AFG3L2: variants seen among roughly 807,000 people sequenced by gnomAD.
AFG3L2 encodes AFG3 like matrix AAA peptidase subunit 2.
A neutral mutation model predicts 94.5 loss-of-function variants in AFG3L2; 54 were observed. That is an observed-to-expected ratio of 0.57 (90% CI 0.46 to 0.72). The LOEUF (loss-of-function observed/expected upper bound fraction) is 0.72. Among genes scored for constraint, AFG3L2 ranks in the 30% least tolerant of loss-of-function variants. The probability of loss-of-function intolerance (pLI) is 0.00; values close to 1 mark genes in which losing one functional copy is unlikely to be tolerated. For synonymous variants in AFG3L2, 377 were observed against 365.5 expected, an observed-to-expected ratio of 1.03 and a Z score of -0.36; for missense variants, 754 against 994.9, an observed-to-expected ratio of 0.76 and a Z score of 3.26.
In AFG3L2 at chr18:12,356,294, G is replaced by A. The variant is rs1379607051; in HGVS notation, c.1164+400C>T. Among the ~76,000 whole-genome samples the A allele has an allele frequency of 2.6e-5, 4 of 152,182 alleles. No homozygotes were observed. The East Asian group carries it at 7.7e-4, about 29-fold the overall frequency. Reference sequence around the variant, plus strand: ...AGCCTCCGAAATAGCTGGGATTATAGGCATGCGCGACCACGCCTGGCTAAT... The same window carrying A: ...AGCCTCCGAAATAGCTGGGATTATAAGCATGCGCGACCACGCCTGGCTAAT... On this transcript the variant is annotated intron_variant, in intron 9 of 16. Transcript: ENST00000269143.
intron 9 of AFG3L2, among the ~76,000 whole-genome samples, chr18:12,355,586 A>C (rs1908466610): frequency 6.6e-6 from 1 of 152,236 alleles, no homozygotes. Flanking sequence ...GGCATAAAAA[A>C]ACCACATATT....
At chr18:12,337,613 G>A (rs886093472) in intron 15 of AFG3L2, 78 bp from the exon 16 acceptor site, 84 of 1,408,090 alleles carry the variant, frequency 6.0e-5, no homozygotes, top group Middle Eastern at 3.5e-4. Flanking sequence ...GCCTGGAGCC[G>A]GCTAAAGTGC....
At chr18:12,346,993 C>T (rs937191817) in intron 13 of AFG3L2, among the ~76,000 whole-genome samples, 10 of 150,794 alleles carry the variant, frequency 6.6e-5, no homozygotes, top group Non-Finnish European at 1.5e-4. Flanking sequence ...AAAAATTAGC[C>T]GGGCATGGTG....
chr18:12,368,674 C>T (rs951063593), intron 3 of AFG3L2, among the ~76,000 whole-genome samples: 1 of 152,154 alleles, frequency 6.6e-6, no homozygotes, highest in African/African-American at 2.4e-5. Context: ...GATCTCAGCT[C>T]ACTGCAACCT....
At chr18:12,371,987 T>C (rs752819952) in intron 1 of AFG3L2, among the ~76,000 whole-genome samples, 3 of 152,252 alleles carry the variant, frequency 2.0e-5, no homozygotes, top group Admixed American at 2.0e-4. Flanking sequence ...ACTTTGATGA[T>C]GTTTGTTTAA....
At chr18:12,346,729 C>T (rs1908148391) in intron 13 of AFG3L2, among the ~76,000 whole-genome samples, 1 of 152,092 alleles carries the variant, frequency 6.6e-6, no homozygotes, top group African/African-American at 2.4e-5. Flanking sequence ...CATGGTGAAA[C>T]CCCATCTCTA....
At chr18:12,350,980 A>G in intron 12 of AFG3L2, 105 bp downstream of exon 12, 4 of 1,451,010 alleles carry the variant, frequency 2.8e-6, no homozygotes, top group Non-Finnish European at 3.8e-6. Flanking sequence ...AAACTTAGGA[A>G]GCCCACAGTA....
At chr18:12,334,938 G>A in intron 16 of AFG3L2, among the ~76,000 whole-genome samples, 1 of 152,100 alleles carries the variant, frequency 6.6e-6, no homozygotes, top group East Asian at 1.9e-4. Context: ...GGAGGGCCTG[G>A]GACTTATGAA....
intron 12 of AFG3L2, among the ~76,000 whole-genome samples, chr18:12,348,888 AG>A (rs939943167): frequency 1.3e-5 from 2 of 152,228 alleles, no homozygotes; most frequent in African/African-American, 4.8e-5. Flanking sequence ...CTAACTTTTC[AG>A]TTAAGTATAT....
intron 10 of AFG3L2, 121 bp downstream of exon 10, chr18:12,352,884 G>A: frequency 1.4e-6 from 2 of 1,386,218 alleles, no homozygotes; most frequent in South Asian, 2.4e-5. Context: ...GAACCCAGGG[G>A]TCAGAGGATG....
At chr18:12,358,586 TATA>T (rs1180384463) in intron 8 of AFG3L2, 81 bp downstream of exon 8, 1 of 1,489,874 alleles carries the variant, frequency 6.7e-7, no homozygotes, top group Non-Finnish European at 9.2e-7. Context: ...AACAGCTATC[TATA>T]ATAAGTAATC....
intron 9 of AFG3L2, among the ~76,000 whole-genome samples, chr18:12,353,514 C>CAAAAAAAAAAAAAAAAAAA (rs71172076): frequency 1.2e-5 from 1 of 81,062 alleles, no homozygotes; most frequent in Non-Finnish European, 2.4e-5. Flanking sequence ...AATTCTGTCT[C>CAAAAAAAAAAAAAAAAAAA]AAAAAAAAAA....
Position 12,367,066 on chromosome 18 carries a change from C to T in AFG3L2, c.451G>A (p.Ala151Thr), listed in dbSNP as rs377111283. Residue 151 changes from alanine to threonine, a missense_variant, in exon 5 of 17, where the codon GCT (alanine) becomes ACT (threonine). This residue lies in a region of AFG3L2 where 236 missense variants were observed against 214.0 expected (regional missense o/e 1.10). Coordinates refer to ENST00000269143, the MANE Select transcript of AFG3L2 (RefSeq NM_006796.3). The part of the protein sequence containing the change: ...KDFRMFFLWT[A>T]LFWGGVMFYL... Reference sequence around the variant, plus strand: ...AACATGACTCCACCCCAGAACAGAGCAGTCCAGAGGAAGAACATCCTGAAA... The same window carrying T: ...AACATGACTCCACCCCAGAACAGAGTAGTCCAGAGGAAGAACATCCTGAAA... The T allele has an allele frequency of 6.2e-7, 1 of 1,614,214 alleles. No homozygotes were observed. The highest frequency in any genetic ancestry group is 1.3e-5 in the African/African-American group (1 of 75,064).
intron 3 of AFG3L2, 130 bp from the exon 4 acceptor site, chr18:12,367,512 G>A (rs1598838056): frequency 2.4e-6 from 2 of 833,012 alleles, no homozygotes; most frequent in African/African-American, 1.7e-5. Context: ...GTTACTAAGT[G>A]AAGCACTATG....
chr18:12,367,184 A>AG, intron 4 of AFG3L2, 67 bp from the exon 5 acceptor site: 8 of 1,612,878 alleles, frequency 5.0e-6, no homozygotes, highest in Non-Finnish European at 6.8e-6. Context: ...GCTCTGTGAG[A>AG]CACAAATCCC....
chr18:12,332,341 T>G (rs1392732568), intron 16 of AFG3L2, among the ~76,000 whole-genome samples: 2 of 152,088 alleles, frequency 1.3e-5, no homozygotes, highest in Admixed American at 1.3e-4. Flanking sequence ...GCCAGGCTAG[T>G]CTCAAACTCA....
rs1234626438 is a variant in AFG3L2, at chr18:12,358,843, T to A, written c.853A>T (p.Met285Leu). The change falls in exon 8 of 17, where the codon ATG becomes TTG. Residue 285 changes from methionine to leucine, a missense_variant. Met to Leu is a conservative substitution (Grantham distance 15). Around this residue, in one of 4 missense-constraint regions of AFG3L2, gnomAD observed 130 missense variants for 175.1 expected, o/e 0.74. Coordinates refer to ENST00000269143, the MANE Select transcript of AFG3L2 (RefSeq NM_006796.3). ...PAGIGRTGRG[M>L]GGLFSVGETT... ...TCTCCGACACTGAAGAGTCCGCCCA[T>A]CCCTCGGCCTGTCCGGCCAATGCCA... 1 of 1,614,218 alleles carries A rather than the reference T, an allele frequency of 6.2e-7. No homozygotes were observed. Among genetic ancestry groups the A allele is most frequent in the Non-Finnish European group, 8.5e-7 (1 of 1,180,050 alleles).
intron 2 of AFG3L2, 129 bp downstream of exon 2, chr18:12,371,462 TA>T: frequency 1.3e-6 from 1 of 750,700 alleles, no homozygotes; most frequent in Non-Finnish European, 2.3e-6. Context: ...ACAAATGTGT[TA>T]CATTTGAAGA....
At chr18:12,362,279 C>G (rs138238798) in intron 6 of AFG3L2, among the ~76,000 whole-genome samples, 2 of 152,286 alleles carry the variant, frequency 1.3e-5, no homozygotes, top group Non-Finnish European at 2.9e-5. Context: ...TACTGCTGCT[C>G]CATTCACAGC....
Sources: gnomAD v4.1 joint callset for allele counts (sites outside exome capture counted in the v4.1 genomes callset) on GRCh38, gnomAD v4.1.1 for gene constraint, gnomAD v4.1.1 regional missense constraint, MANE v1.5 for transcripts, NCBI Gene and HGNC (gene_info 2026-07-23, HGNC 2026-07-21) for gene names.